SLC38A11: variants seen among roughly 807,000 people sequenced by gnomAD.
SLC38A11 encodes putative sodium-coupled neutral amino acid transporter 11.
In SLC38A11, 51 loss-of-function variants were observed where a neutral mutation model predicts 49.4. That is an observed-to-expected ratio of 1.03 (90% CI 0.83 to 1.30). The LOEUF (loss-of-function observed/expected upper bound fraction) is 1.30. SLC38A11 is among the 50% of genes most tolerant of loss of function. The probability of loss-of-function intolerance (pLI) is 0.00; values close to 1 mark genes in which losing one functional copy is unlikely to be tolerated. For synonymous variants in SLC38A11, 203 were observed against 192.9 expected, an observed-to-expected ratio of 1.05 and a Z score of -0.43; for missense variants, 574 against 556.2, an observed-to-expected ratio of 1.03 and a Z score of -0.32.
chr2:164,921,195 T>C (rs1159754550), intron 7 of SLC38A11, among the ~76,000 whole-genome samples: 2 of 152,094 alleles, frequency 1.3e-5, no homozygotes, highest in Non-Finnish European at 2.9e-5. Flanking sequence ...TACTTAGAAA[T>C]AGAGATGTGA....
rs761675048 is a variant in SLC38A11 at position 164,939,484 on chromosome 2, A to G, written c.503T>C (p.Leu168Ser). ...GLSTVTFTLP[L>S]SLYRNIAKLG... Reference sequence around the variant, plus strand: ...CTTTGCTATATTTCGGTACAAGGATAAAGGCAGAGTAAAGGTAACTGTGGA... The same window carrying G: ...CTTTGCTATATTTCGGTACAAGGATGAAGGCAGAGTAAAGGTAACTGTGGA... Residue 168 changes from leucine to serine, a missense_variant, in exon 6 of 12, where the codon TTA becomes TCA. Transcript: ENST00000685975. 12 of 1,610,522 alleles carry G rather than the reference A, an allele frequency of 7.5e-6. No homozygotes were observed. Among genetic ancestry groups the G allele is most frequent in the Non-Finnish European group, 1.0e-5 (12 of 1,177,902 alleles).
chr2:164,927,985 T>C (rs1686717972), intron 7 of SLC38A11, among the ~76,000 whole-genome samples: 1 of 152,174 alleles, frequency 6.6e-6, no homozygotes, highest in African/African-American at 2.4e-5. Flanking sequence ...TTCATCCATT[T>C]GTGGATGGAT....
intron 7 of SLC38A11, among the ~76,000 whole-genome samples, chr2:164,918,940 C>T (rs1685987610): frequency 1.3e-5 from 2 of 152,106 alleles, no homozygotes; most frequent in Non-Finnish European, 1.5e-5. Context: ...CATATCCATA[C>T]ACACAAATGG....
intron 7 of SLC38A11, among the ~76,000 whole-genome samples, chr2:164,924,433 T>G (rs1020806325): frequency 6.6e-6 from 1 of 152,184 alleles, no homozygotes; most frequent in Non-Finnish European, 1.5e-5. Context: ...CTGGATCACT[T>G]GTACTCTAAA....
At chr2:164,920,707 G>A (rs1358963055) in intron 7 of SLC38A11, among the ~76,000 whole-genome samples, 2 of 152,024 alleles carry the variant, frequency 1.3e-5, no homozygotes, top group African/African-American at 2.4e-5. Flanking sequence ...GAAAGCTACC[G>A]AGAATGCTCC....
chr2:164,902,904 T>C (rs994234263), intron 11 of SLC38A11, among the ~76,000 whole-genome samples: 38 of 152,178 alleles, frequency 2.5e-4, no homozygotes, highest in African/African-American at 8.0e-4. Context: ...CATGTTCTAA[T>C]TTAGAATATA....
chr2:164,946,880 T>A (rs12692752), intron 3 of SLC38A11, among the ~76,000 whole-genome samples: 83,496 of 151,972 alleles, frequency 0.55, 23,233 homozygotes, highest in South Asian at 0.78. Context: ...ATCATCAATG[T>A]TCTCCAAGTT....
chr2:164,924,635 C>A (rs964566073), intron 7 of SLC38A11, among the ~76,000 whole-genome samples: 8 of 152,012 alleles, frequency 5.3e-5, no homozygotes, highest in Admixed American at 2.0e-4. Context: ...AAAATAAACT[C>A]TTCAAAAATA....
intron 7 of SLC38A11, among the ~76,000 whole-genome samples, chr2:164,930,357 T>A (rs1375847341): frequency 1.3e-5 from 2 of 152,052 alleles, no homozygotes; most frequent in African/African-American, 4.8e-5. Context: ...GCTGAAGCTG[T>A]TCCAAAAAAT....
chr2:164,940,657 T>C (rs1687702681), intron 5 of SLC38A11, among the ~76,000 whole-genome samples: 1 of 151,090 alleles, frequency 6.6e-6, no homozygotes, highest in South Asian at 2.1e-4. Flanking sequence ...AATTTCAAAA[T>C]GACATAAATT....
In SLC38A11 at chr2:164,915,202, G is replaced by A. The variant is rs200595875; in HGVS notation, c.760C>T (p.Arg254Cys). ...ATCACGATGGACATATGGATAAGGC[G>A]GGACCACTTAGCTACTGTGGGTTCT... is the stretch of plus-strand genomic sequence containing the variant. ...LEEPTVAKWS[R>C]LIHMSIVISV... The change falls in exon 9 of 12, where the codon CGC becomes TGC. Residue 254 changes from arginine to cysteine, a missense_variant. By Grantham distance (180) the Arg-to-Cys change is radical. Transcript: ENST00000685975. 40 of 1,612,218 alleles carry A rather than the reference G, an allele frequency of 2.5e-5. No individual in the cohort carries two copies. Among genetic ancestry groups the A allele is most frequent in the South Asian group, 2.0e-4 (18 of 90,870 alleles).
At chr2:164,937,549 T>G in intron 6 of SLC38A11, 120 bp from the exon 7 acceptor site, 1 of 638,440 alleles carries the variant, frequency 1.6e-6, no homozygotes, top group Non-Finnish European at 2.7e-6. Flanking sequence ...GCCTAATTCT[T>G]TAGTAGGTTA....
At chr2:164,951,679 A>AG (rs1469919807) in intron 3 of SLC38A11, among the ~76,000 whole-genome samples, 1 of 152,170 alleles carries the variant, frequency 6.6e-6, no homozygotes, top group Non-Finnish European at 1.5e-5. Flanking sequence ...GGCATCTTGG[A>AG]GGATCTCTAG....
rs151328207 is a variant in SLC38A11 at position 164,899,404 on chromosome 2, A to C, written c.1096-674T>G. On this transcript the variant is annotated intron_variant, in intron 11 of 11. Coordinates refer to ENST00000685975, the MANE Select transcript of SLC38A11 (RefSeq NM_001351537.2). ...AGGAATAAACCCAACCTAAGGAGGAATGTCAGATTTAAAATAATGGTGGTA... is the reference window on the plus strand; with the variant it reads ...AGGAATAAACCCAACCTAAGGAGGACTGTCAGATTTAAAATAATGGTGGTA... Among the ~76,000 whole-genome samples, 254 of 152,250 alleles carry C rather than the reference A, an allele frequency of 1.7e-3. 3 individuals carry two copies. Among genetic ancestry groups the C allele is most frequent in the African/African-American group, 5.7e-3 (238 of 41,566 alleles).
chr2:164,917,915 T>C (rs1685911998), intron 7 of SLC38A11, among the ~76,000 whole-genome samples: 1 of 152,134 alleles, frequency 6.6e-6, no homozygotes, highest in South Asian at 2.1e-4. Context: ...CTGTTCATCA[T>C]AATGATGATG....
chr2:164,952,802 C>A, intron 2 of SLC38A11, 21 bp from the exon 3 acceptor site: 1 of 1,569,104 alleles, frequency 6.4e-7, no homozygotes, highest in Non-Finnish European at 8.7e-7. Context: ...ATAAAATGCC[C>A]CACCCTTCAC....
chr2:164,921,145 G>T (rs912228626), intron 7 of SLC38A11, among the ~76,000 whole-genome samples: 4 of 152,060 alleles, frequency 2.6e-5, no homozygotes, highest in African/African-American at 9.7e-5. Flanking sequence ...TGTAAGAGAA[G>T]ATAACAGTGA....
chr2:164,945,410 C>A (rs1211500126), intron 4 of SLC38A11, among the ~76,000 whole-genome samples, 183 bp downstream of exon 4: 1 of 151,578 alleles, frequency 6.6e-6, no homozygotes, highest in Non-Finnish European at 1.5e-5. Flanking sequence ...AAGAAATAGT[C>A]AGAAAATAAA....
In SLC38A11 at chr2:164,897,665, C is replaced by T. The variant is rs943391212; in HGVS notation, c.*772G>A. On this transcript the variant is annotated 3_prime_UTR_variant, in exon 12 of 12. Transcript: ENST00000685975. ...AAGTTCAGCTTCCAGTTGTACATTC[C>T]TGACAGCACTAAAAATCCAACAGGT... 6.6e-6 allele frequency: 1 copy of T among 152,218 alleles called. No individual in the cohort carries two copies. Among genetic ancestry groups the T allele is most frequent in the Non-Finnish European group, 1.5e-5 (1 of 68,088 alleles). The allele number at this position is 152,218 out of a possible 1,614,324, so 9.4% of individuals were successfully genotyped here. A position where few individuals can be genotyped will look rare whatever the true frequency, so the allele number is the denominator to read the frequency against.
Sources: gnomAD v4.1 joint callset for allele counts (sites outside exome capture counted in the v4.1 genomes callset) on GRCh38, gnomAD v4.1.1 for gene constraint, MANE v1.5 for transcripts, NCBI Gene and HGNC (gene_info 2026-07-23, HGNC 2026-07-21) for gene names.